The following NEK1 variants were observed in gnomAD, a reference collection of about 807,000 sequenced individuals.
The protein encoded by NEK1 is serine/threonine-protein kinase Nek1.
In NEK1, 137 loss-of-function variants were observed where a neutral mutation model predicts 182.1. The ratio of observed to expected loss-of-function variants is 0.75; its 90% CI spans 0.65 to 0.87. The LOEUF is 0.87. NEK1 is among the 40% of genes least tolerant of loss of function. The pLI is 0.00. For missense variants in NEK1, 1,391 were observed against 1,494.4 expected (o/e 0.93, Z 1.14); for synonymous variants, 513 against 492.2 (o/e 1.04, Z -0.56).
At chr4:169,589,420 C>A (rs1212788677) in intron 7 of NEK1, 27 bp downstream of exon 7, 1 of 1,311,874 alleles carries the variant, frequency 7.6e-7, no homozygotes, top group Non-Finnish European at 1.1e-6. Flanking sequence ...AACATTATAT[C>A]AAAACAAAGT....
chr4:169,593,984 G>A (rs13119748), intron 5 of NEK1, among the ~76,000 whole-genome samples: 2,986 of 142,370 alleles, frequency 0.021, 45 homozygotes, highest in African/African-American at 0.045. Flanking sequence ...GTGAGACTCC[G>A]TCTCAAAAAA....
intron 5 of NEK1, among the ~76,000 whole-genome samples, chr4:169,598,842 A>G (rs1770001958): frequency 6.6e-6 from 1 of 152,238 alleles, no homozygotes; most frequent in Non-Finnish European, 1.5e-5. Context: ...ATGAATAATT[A>G]AGGCATATAC....
intron 18 of NEK1, among the ~76,000 whole-genome samples, chr4:169,542,839 T>C (rs183849506): frequency 2.0e-5 from 3 of 152,206 alleles, no homozygotes; most frequent in Admixed American, 6.5e-5. Flanking sequence ...CGCTTATTGA[T>C]GGGGTTTTTT....
At chr4:169,429,904 C>A (rs995637298) in intron 29 of NEK1, among the ~76,000 whole-genome samples, 1 of 151,982 alleles carries the variant, frequency 6.6e-6, no homozygotes, top group African/African-American at 2.4e-5. Flanking sequence ...AGGCTGCCTC[C>A]TTTAAAAATT....
At chr4:169,540,252 A>C (rs1759190439) in intron 18 of NEK1, among the ~76,000 whole-genome samples, 1 of 152,182 alleles carries the variant, frequency 6.6e-6, no homozygotes, top group South Asian at 2.1e-4. Context: ...AAAGATATAA[A>C]GATGAATAAA....
chr4:169,403,471 G>A (rs1470854273), intron 32 of NEK1, among the ~76,000 whole-genome samples: 34 of 152,146 alleles, frequency 2.2e-4, no homozygotes, highest in Non-Finnish European at 1.5e-5. Context: ...TAGGGAGTCT[G>A]AGGCAGGAGG....
At chr4:169,574,906 T>C (rs1765451796) in intron 12 of NEK1, among the ~76,000 whole-genome samples, 3 of 152,204 alleles carry the variant, frequency 2.0e-5, no homozygotes, top group African/African-American at 7.2e-5. Context: ...TCTTTAGAAG[T>C]TTAAAATACA....
intron 19 of NEK1, among the ~76,000 whole-genome samples, chr4:169,512,320 T>G (rs1477128032): frequency 6.6e-6 from 1 of 152,096 alleles, no homozygotes; most frequent in Admixed American, 6.6e-5. Flanking sequence ...TTTTGATAGG[T>G]GTGAAGTGAT....
At chr4:169,475,250 G>GA (rs372748554) in intron 26 of NEK1, among the ~76,000 whole-genome samples, 2 of 151,920 alleles carry the variant, frequency 1.3e-5, no homozygotes, top group Admixed American at 6.6e-5. Flanking sequence ...CCCAAGTTAG[G>GA]AAAAAAAGCA....
chr4:169,502,524 GA>G (rs901160888), intron 23 of NEK1, among the ~76,000 whole-genome samples: 19 of 152,146 alleles, frequency 1.2e-4, no homozygotes, highest in African/African-American at 4.1e-4. Flanking sequence ...ACATTAAAAT[GA>G]AAATTTGTAT....
At chr4:169,555,326 T>A (rs1045621269) in intron 18 of NEK1, 1 of 201,932 alleles carries the variant, frequency 5.0e-6, no homozygotes, top group Non-Finnish European at 1.0e-5. Context: ...AAGAGAAAAG[T>A]AGGCTTTGAA....
chr4:169,477,603 T>C (rs1747209273), intron 24 of NEK1, 106 bp from the exon 25 acceptor site: 2 of 797,780 alleles, frequency 2.5e-6, no homozygotes, highest in East Asian at 2.8e-5. Context: ...AATTTGTTCC[T>C]TGTAAATTTT....
chr4:169,496,341 A>G lies in NEK1; in HGVS notation c.2007+10696T>C, dbSNP rs538961964. On this transcript the variant is annotated intron_variant, in intron 23 of 35. Transcript: ENST00000507142. Reference sequence around the variant, plus strand: ...GGTTTTCTAGATATACAATCATGTCATCTGCAAACAGGGACAATTTGACTT... The same window carrying G: ...GGTTTTCTAGATATACAATCATGTCGTCTGCAAACAGGGACAATTTGACTT... Among the ~76,000 whole-genome samples the G allele has an allele frequency of 8.3e-3, 1,261 of 151,664 alleles. 4 individuals carry two copies. The highest frequency in any genetic ancestry group is 0.012 in the Non-Finnish European group (824 of 67,984).
chr4:169,461,073 T>C (rs1307441978), intron 27 of NEK1, among the ~76,000 whole-genome samples: 1 of 152,184 alleles, frequency 6.6e-6, no homozygotes, highest in Non-Finnish European at 1.5e-5. Flanking sequence ...GATAGTAGTG[T>C]TTCCATTCTA....
Position 169,612,122 on chromosome 4 carries a change from C to T in NEK1, c.-151G>A. ...GGGCTTAATAAAGCAGAGGTACCAT[C>T]CCGCATTTTGAAAATGACATCCTGA... On this transcript the variant is annotated 5_prime_UTR_variant, in exon 2 of 36. Transcript: ENST00000507142. 6.6e-6 allele frequency: 1 copy of T among 152,390 alleles called. No individual in the cohort carries two copies. Among genetic ancestry groups the T allele is most frequent in the East Asian group, 1.9e-4 (1 of 5,196 alleles). The allele number at this position is 152,390 out of a possible 1,614,324, so 9.4% of individuals were successfully genotyped here.
chr4:169,566,728 C>T (rs915917911), intron 12 of NEK1, among the ~76,000 whole-genome samples: 4 of 151,956 alleles, frequency 2.6e-5, no homozygotes, highest in Admixed American at 6.6e-5. Flanking sequence ...AAAATTCTAA[C>T]GGGCCATTGT....
intron 23 of NEK1, among the ~76,000 whole-genome samples, chr4:169,495,998 G>T (rs1189885469): frequency 6.6e-5 from 10 of 152,140 alleles, no homozygotes; most frequent in Admixed American, 1.3e-4. Context: ...TTGGGAAGTA[G>T]GGCCATTTTC....
chr4:169,521,457 AC>A (rs1231230812), intron 19 of NEK1, among the ~76,000 whole-genome samples: 1 of 150,234 alleles, frequency 6.7e-6, no homozygotes, highest in Non-Finnish European at 1.5e-5. Flanking sequence ...TGCAGAAATC[AC>A]CCGTCTTCTG....
chr4:169,485,586 A>G (rs780497495), intron 23 of NEK1, among the ~76,000 whole-genome samples: 8 of 152,238 alleles, frequency 5.3e-5, no homozygotes, highest in Non-Finnish European at 1.0e-4. Flanking sequence ...ATGACATATC[A>G]CAAAAATTAA....
Sources: allele counts gnomAD v4.1 joint callset (sites outside exome capture counted in the v4.1 genomes callset), GRCh38; gene constraint gnomAD v4.1.1; transcripts MANE v1.5; gene names NCBI Gene and HGNC (gene_info 2026-07-23, HGNC 2026-07-21).